Variants in SND1 observed in about 807,000 individuals in gnomAD.
SND1 encodes the protein staphylococcal nuclease domain-containing protein 1.
Under a neutral mutation model 121.7 loss-of-function variants are expected in SND1, and 38 were observed. The observed-to-expected ratio is 0.31, with a 90% CI of 0.24 to 0.41. The LOEUF is 0.41. Ranked by LOEUF, SND1 falls within the 10% of genes least tolerant of loss-of-function variation. The pLI is 1.00. For synonymous variants in SND1, 401 were observed against 447.4 expected (o/e 0.90, Z 1.31); for missense variants, 868 against 1,184.6 (o/e 0.73, Z 3.92).
chr7:128,029,595 T>C lies in SND1; in HGVS notation c.1779+38539T>C. 6.2e-7 allele frequency: 1 copy of C among 1,614,030 alleles called. No homozygotes were observed. Among genetic ancestry groups the C allele is most frequent in the Non-Finnish European group, 8.5e-7 (1 of 1,180,012 alleles). On this transcript the variant is annotated intron_variant, in intron 16 of 23. Transcript: ENST00000354725. This position sits in a 1 kb window ranked among gnomAD's most constrained non-coding sequence, Gnocchi z 4.2. ...GTCCATGATGAAGGGGGCAGAGCAC[T>C]GGAAGGAGGCCTGGTCCACCTCCAC...
At chr7:127,974,859 G>A (rs767260305) in intron 15 of SND1, among the ~76,000 whole-genome samples, 7 of 152,128 alleles carry the variant, frequency 4.6e-5, no homozygotes, top group Non-Finnish European at 1.0e-4. Flanking sequence ...TGTCTCCCTA[G>A]GATGGTTGAC....
At chr7:127,736,196 C>T (rs570879029) in intron 10 of SND1, among the ~76,000 whole-genome samples, 36 of 152,112 alleles carry the variant, frequency 2.4e-4, no homozygotes, top group Non-Finnish European at 4.1e-4. Flanking sequence ...ATCTTCTCTG[C>T]CCTAGAAATT....
intron 10 of SND1, among the ~76,000 whole-genome samples, chr7:127,739,291 C>CTTTATTATTGTATTAATTATTA (rs1796833939): frequency 1.3e-5 from 2 of 152,340 alleles, no homozygotes; most frequent in Middle Eastern, 3.4e-3. Flanking sequence ...AATATTTTTA[C>CTTTATTATTGTATTAATTATTA]CCAAATCCCA....
intron 3 of SND1, among the ~76,000 whole-genome samples, chr7:127,697,465 T>A (rs3757785): frequency 0.065 from 9,944 of 152,314 alleles, 413 homozygotes; most frequent in Middle Eastern, 0.19. Flanking sequence ...GTACCTGGGC[T>A]TCGTTCTTTC....
At chr7:127,707,772 T>A in intron 9 of SND1, 125 bp downstream of exon 9, 3 of 306,694 alleles carry the variant, frequency 9.8e-6, no homozygotes, top group Admixed American at 6.6e-5. Context: ...TAGGAGTGTG[T>A]GTGTGTGTGT....
At chr7:127,746,662 G>A (rs1318106640) in intron 10 of SND1, among the ~76,000 whole-genome samples, 1 of 152,146 alleles carries the variant, frequency 6.6e-6, no homozygotes, top group Non-Finnish European at 1.5e-5. Context: ...GGCTTTATGT[G>A]GGCGGCCTTT....
chr7:127,916,063 TAGAG>T (rs35469272), intron 14 of SND1, among the ~76,000 whole-genome samples: 2 of 150,508 alleles, frequency 1.3e-5, no homozygotes, highest in Non-Finnish European at 1.5e-5. Context: ...CATATATATA[TAGAG>T]AGAGAGAGAG....
In SND1 at chr7:127,844,397, C is replaced by T; in HGVS notation, c.1316C>T (p.Thr439Ile). 1.2e-6 allele frequency: 2 copies of T among 1,613,470 alleles called. No homozygotes were observed. Among genetic ancestry groups the T allele is most frequent in the Non-Finnish European group, 8.5e-7 (1 of 1,179,668 alleles). Residue 439 changes from threonine (T) to isoleucine (I), a missense_variant, in exon 12 of 24, where the codon ACC becomes ATC. By Grantham distance (89) the Thr-to-Ile change is moderately conservative (BLOSUM62 -1). This residue lies in a region of SND1 where 743 missense variants were observed against 1,071.3 expected (regional missense o/e 0.69). Transcript: ENST00000354725. ...ACAGTGCCTGCCTTTTCAGAGCGTACCTGTGCCACTGTCACCATTGGAGGA... is the reference window on the plus strand; with the variant it reads ...ACAGTGCCTGCCTTTTCAGAGCGTATCTGTGCCACTGTCACCATTGGAGGA... The part of the protein sequence containing the change: ...TETVPAFSER[T>I]CATVTIGGIN...
intron 21 of SND1, among the ~76,000 whole-genome samples, chr7:128,088,641 C>G (rs1793726131): frequency 6.6e-6 from 1 of 151,780 alleles, no homozygotes; most frequent in Admixed American, 6.6e-5. Flanking sequence ...TCAGTAGAGA[C>G]AGGGTTTCAC....
chr7:128,092,328 T>A lies in SND1; in HGVS notation c.*270T>A, dbSNP rs3204548. On this transcript the variant is annotated 3_prime_UTR_variant, in exon 24 of 24. Coordinates refer to ENST00000354725, the MANE Select transcript of SND1 (RefSeq NM_014390.4). The surrounding 1 kb of genome is among the most constrained non-coding windows in gnomAD (Gnocchi z 4.9). Reference sequence around the variant, plus strand: ...TATTTGGAGGTTTGTGGGCTTTTTTTAAAAAAAAAAAGTCCTCAAATCAGG... The same window carrying A: ...TATTTGGAGGTTTGTGGGCTTTTTTAAAAAAAAAAAAGTCCTCAAATCAGG... 88,575 of 383,220 alleles carry A rather than the reference T, an allele frequency of 0.23. 8,598 individuals carry two copies. The highest frequency in any genetic ancestry group is 0.28 in the Non-Finnish European group (58,955 of 212,636). 23.7% of individuals were successfully genotyped at this position (383,220 alleles called of 1,614,324 possible).
chr7:127,680,776 A>G (rs1200113371), intron 1 of SND1, among the ~76,000 whole-genome samples: 1 of 150,848 alleles, frequency 6.6e-6, no homozygotes, highest in African/African-American at 2.4e-5. Context: ...GGCTTACGAG[A>G]TGACAGGATT....
chr7:127,799,759 T>C (rs1452191346), intron 10 of SND1, among the ~76,000 whole-genome samples: 1 of 152,234 alleles, frequency 6.6e-6, no homozygotes, highest in African/African-American at 2.4e-5. Flanking sequence ...TAGACTGTAT[T>C]TACTTTTAAG....
chr7:127,870,611 T>C (rs1799567634), intron 12 of SND1, among the ~76,000 whole-genome samples: 1 of 152,190 alleles, frequency 6.6e-6, no homozygotes, highest in African/African-American at 2.4e-5. Context: ...TATTTGTGTA[T>C]GTAAACATCT....
intron 15 of SND1, among the ~76,000 whole-genome samples, chr7:127,981,813 T>C (rs1315358838): frequency 6.6e-6 from 1 of 152,216 alleles, no homozygotes. Flanking sequence ...CTGTGGTCAA[T>C]GATTGAGCAT....
At position 127,675,828 on chromosome 7, in the gene SND1, G is replaced by A. The variant is rs115246651; in HGVS notation, c.79-10785G>A. On this transcript the variant is annotated intron_variant, in intron 1 of 23. Coordinates refer to ENST00000354725, the MANE Select transcript of SND1 (RefSeq NM_014390.4). Reference sequence around the variant, plus strand: ...CTTAAATGACACTTCACATTTGTCTGCTATGTGCGGTTAGTTCTTCCTGAG... The same window carrying A: ...CTTAAATGACACTTCACATTTGTCTACTATGTGCGGTTAGTTCTTCCTGAG... Among the ~76,000 whole-genome samples, 618 of 152,286 alleles carry A rather than the reference G, an allele frequency of 4.1e-3. 2 individuals are homozygous for A. Among genetic ancestry groups the A allele is most frequent in the African/African-American group, 0.013 (554 of 41,550 alleles).
intron 9 of SND1, among the ~76,000 whole-genome samples, chr7:127,719,806 A>T (rs1229286303): frequency 6.6e-6 from 1 of 152,184 alleles, no homozygotes; most frequent in Non-Finnish European, 1.5e-5. Flanking sequence ...ATACCTTCCC[A>T]TCCACCAGCC....
Position 127,921,764 on chromosome 7 carries a change from A to G in SND1, c.1528-7424A>G, listed in dbSNP as rs959157375. On this transcript the variant is annotated intron_variant, in intron 14 of 23. Coordinates refer to ENST00000354725, the MANE Select transcript of SND1 (RefSeq NM_014390.4). ...AACTTCTAGTCCCTGGCAACCACTC[A>G]TGTTTTTCTGTTTAACTATAGTTTA... Among the ~76,000 whole-genome samples, 8 of 152,250 alleles carry G rather than the reference A, an allele frequency of 5.3e-5. 1 individual carries two copies. The highest frequency in any genetic ancestry group is 2.0e-4 in the Admixed American group (3 of 15,286).
chr7:128,077,428 CAG>C, intron 17 of SND1, among the ~76,000 whole-genome samples: 1 of 152,208 alleles, frequency 6.6e-6, no homozygotes, highest in Non-Finnish European at 1.5e-5. Context: ...GCCGCAGCAA[CAG>C]AACACAAGGA....
intron 1 of SND1, chr7:127,679,099 C>T (rs569638123): frequency 6.6e-6 from 1 of 152,396 alleles, no homozygotes; most frequent in East Asian, 1.9e-4. Flanking sequence ...GTGTGACACA[C>T]AGGATGCTCG....
Sources: gnomAD v4.1 joint callset for allele counts (sites outside exome capture counted in the v4.1 genomes callset) on GRCh38, gnomAD v4.1.1 for gene constraint, gnomAD v4.1.1 regional missense constraint, Gnocchi (gnomAD v3.1) non-coding constraint, MANE v1.5 for transcripts, NCBI Gene and HGNC (gene_info 2026-07-23, HGNC 2026-07-21) for gene names.